The following IMMP2L variants were observed in gnomAD, a reference collection of about 807,000 sequenced individuals.
IMMP2L encodes the protein mitochondrial inner membrane protease subunit 2.
A neutral mutation model predicts 19.3 loss-of-function variants in IMMP2L; 18 were observed. That is an observed-to-expected ratio of 0.93 (90% CI 0.64 to 1.38). The LOEUF (loss-of-function observed/expected upper bound fraction) is 1.38, where lower values mean the gene tolerates loss of function less well. Ranked by LOEUF, IMMP2L falls within the 40% of genes most tolerant of loss-of-function variation. The pLI, the probability that IMMP2L is intolerant of heterozygous loss-of-function variation, is 0.00. For synonymous variants in IMMP2L, 76 were observed against 73.0 expected (o/e 1.04, Z -0.21); for missense variants, 233 against 218.2 (o/e 1.07, Z -0.43).
chr7:110,893,352 A>G (rs1485439464), intron 4 of IMMP2L, among the ~76,000 whole-genome samples: 1 of 152,178 alleles, frequency 6.6e-6, no homozygotes, highest in African/African-American at 2.4e-5. Context: ...GAAGCACAAT[A>G]AAACAAGGTA....
chr7:111,516,733 C>T (rs1317328528), intron 2 of IMMP2L, among the ~76,000 whole-genome samples: 2 of 152,084 alleles, frequency 1.3e-5, no homozygotes, highest in Non-Finnish European at 2.9e-5. Context: ...TATGTAAAAA[C>T]TCATAACTCA....
chr7:111,303,422 T>C (rs569426104), intron 3 of IMMP2L, among the ~76,000 whole-genome samples: 4 of 152,294 alleles, frequency 2.6e-5, no homozygotes, highest in African/African-American at 7.2e-5. Flanking sequence ...TGTTTACATA[T>C]ACTCACAGTT....
rs777862357 is a variant in IMMP2L at position 111,556,018 on chromosome 7, G to GTGTGTATATATATATA, written c.-3+5832_-3+5833insTATATATATATACACA. 6.4e-3 allele frequency among the ~76,000 whole-genome samples: 580 copies of GTGTGTATATATATATA among 91,284 alleles called. 36 individuals are homozygous for GTGTGTATATATATATA. The highest frequency in any genetic ancestry group is 0.01 in the African/African-American group (286 of 27,626). 59.9% of individuals were successfully genotyped at this position (91,284 alleles called of 152,430 possible). On this transcript the variant is annotated intron_variant, in intron 1 of 5. Coordinates refer to ENST00000405709, the MANE Select transcript of IMMP2L (RefSeq NM_032549.4). ...TTAGCCATCCCTCTTCTGTGTGCAT[G>GTGTGTATATATATATA]TATATATATATATATATACATACCC...
intron 3 of IMMP2L, among the ~76,000 whole-genome samples, chr7:110,986,299 C>G (rs150667867): frequency 2.8e-4 from 43 of 152,244 alleles, no homozygotes; most frequent in Non-Finnish European, 5.9e-5. Context: ...CTACCCCTGG[C>G]CCATGATGCC....
chr7:110,871,597 G>A (rs1314802763), intron 5 of IMMP2L, among the ~76,000 whole-genome samples: 1 of 152,050 alleles, frequency 6.6e-6, no homozygotes, highest in Admixed American at 6.6e-5. Flanking sequence ...TGCTGACAAA[G>A]AACCAAATAA....
rs576106668 is a variant in IMMP2L at position 110,744,269 on chromosome 7, C to G, written c.409-80548G>C. On this transcript the variant is annotated intron_variant, in intron 5 of 5. Transcript: ENST00000405709. ...CAGTCAGGGACTTATAGATATAACC[C>G]CCACCTCCCTGGGACAGAGCACCTG... Among the ~76,000 whole-genome samples the G allele has an allele frequency of 6.6e-5, 10 of 152,284 alleles. No individual in the cohort carries two copies. The South Asian group carries it at 2.1e-3, about 32-fold the overall frequency.
intron 3 of IMMP2L, among the ~76,000 whole-genome samples, chr7:111,445,690 G>A (rs1369702276): frequency 2.0e-5 from 3 of 150,488 alleles, no homozygotes; most frequent in Non-Finnish European, 2.9e-5. Context: ...TTAAAGAACA[G>A]GGAAGAGGAG....
At chr7:111,340,720 T>C (rs1324118449) in intron 3 of IMMP2L, among the ~76,000 whole-genome samples, 6 of 152,050 alleles carry the variant, frequency 3.9e-5, no homozygotes, top group South Asian at 2.1e-4. Context: ...ACATAAATCA[T>C]AGAACAGTCT....
intron 3 of IMMP2L, among the ~76,000 whole-genome samples, chr7:111,375,896 A>G (rs1256633611): frequency 6.6e-6 from 1 of 152,120 alleles, no homozygotes; most frequent in Non-Finnish European, 1.5e-5. Flanking sequence ...GTAGTTGGGT[A>G]AAATAAAGTA....
chr7:110,963,923 G>A lies in IMMP2L; in HGVS notation c.240-358C>T, dbSNP rs188400964. ...TGTGTCCCCACCCAAGTCTAATTTC[G>A]AATTGTAATCCCCATGTGTAGAGGG... On this transcript the variant is annotated intron_variant, in intron 3 of 5. Transcript: ENST00000405709. Among the ~76,000 whole-genome samples the A allele has an allele frequency of 2.0e-3, 296 of 151,454 alleles. 2 individuals carry two copies. Among genetic ancestry groups the A allele is most frequent in the African/African-American group, 6.7e-3 (278 of 41,228 alleles).
chr7:111,296,789 T>C (rs1452759139), intron 3 of IMMP2L, among the ~76,000 whole-genome samples: 1 of 151,962 alleles, frequency 6.6e-6, no homozygotes, highest in Non-Finnish European at 1.5e-5. Context: ...AATCCAAATG[T>C]CTTTTACTGG....
rs1398289245 is a variant in IMMP2L at position 111,326,013 on chromosome 7, T to A, written c.239+161225A>T. On this transcript the variant is annotated intron_variant, in intron 3 of 5. Coordinates refer to ENST00000405709, the MANE Select transcript of IMMP2L (RefSeq NM_032549.4). ...TAATTTATTACTGCTTGAAGTTGCA[T>A]ACTGTAAAACATGCTGTGTTTAAAT... Among the ~76,000 whole-genome samples, 6 of 151,824 alleles carry A rather than the reference T, an allele frequency of 4.0e-5. No individual in the cohort carries two copies. In the Admixed American group the frequency reaches 4.0e-4, roughly 10 times the overall value.
At chr7:111,268,223 C>G (rs969273352) in intron 3 of IMMP2L, among the ~76,000 whole-genome samples, 4 of 151,692 alleles carry the variant, frequency 2.6e-5, no homozygotes, top group African/African-American at 9.7e-5. Context: ...AGCTGATATC[C>G]CTAAAAGGAG....
intron 3 of IMMP2L, among the ~76,000 whole-genome samples, chr7:111,130,970 T>C (rs1308588936): frequency 1.3e-5 from 2 of 151,922 alleles, no homozygotes; most frequent in African/African-American, 4.8e-5. Flanking sequence ...GAAACAAAAT[T>C]CTAGTACAGA....
chr7:111,031,533 T>C (rs1790821768), intron 3 of IMMP2L, among the ~76,000 whole-genome samples: 1 of 151,972 alleles, frequency 6.6e-6, no homozygotes, highest in African/African-American at 2.4e-5. Flanking sequence ...TATCGGATTA[T>C]AACAAAAAGT....
intron 3 of IMMP2L, among the ~76,000 whole-genome samples, chr7:110,969,847 G>A (rs1819955004): frequency 6.6e-6 from 1 of 152,076 alleles, no homozygotes; most frequent in Non-Finnish European, 1.5e-5. Context: ...AGAGATTCCA[G>A]TCAGGTTTCT....
chr7:111,052,222 G>A, intron 3 of IMMP2L, among the ~76,000 whole-genome samples: 1 of 152,180 alleles, frequency 6.6e-6, no homozygotes, highest in Non-Finnish European at 1.5e-5. Flanking sequence ...ATTCTGTAGA[G>A]AATCCCTTTC....
At chr7:110,772,038 T>C (rs1799077063) in intron 5 of IMMP2L, among the ~76,000 whole-genome samples, 1 of 152,120 alleles carries the variant, frequency 6.6e-6, no homozygotes, top group Non-Finnish European at 1.5e-5. Context: ...CTCAAAGTAG[T>C]GAGGAAATCT....
chr7:111,514,289 T>G (rs1395699884), intron 2 of IMMP2L, among the ~76,000 whole-genome samples: 1 of 152,070 alleles, frequency 6.6e-6, no homozygotes, highest in African/African-American at 2.4e-5. Context: ...TCATGTATAC[T>G]GTTCTCACTC....
Sources: allele counts gnomAD v4.1 joint callset (sites outside exome capture counted in the v4.1 genomes callset), GRCh38; gene constraint gnomAD v4.1.1; transcripts MANE v1.5; gene names NCBI Gene and HGNC (gene_info 2026-07-23, HGNC 2026-07-21).